ANXA4: variants seen among roughly 807,000 people sequenced by gnomAD.
ANXA4 encodes the protein annexin A4.
Under a neutral mutation model 49.8 loss-of-function variants are expected in ANXA4, and 39 were observed. The observed-to-expected ratio is 0.78, with a 90% CI of 0.61 to 1.02. ANXA4 has a LOEUF of 1.02. ANXA4 is among the 50% of genes least tolerant of loss of function. The pLI, the probability that ANXA4 is intolerant of heterozygous loss-of-function variation, is 0.00. For synonymous variants in ANXA4, 134 were observed against 152.5 expected (o/e 0.88, Z 0.89); for missense variants, 360 against 410.1 (o/e 0.88, Z 1.05).
chr2:69,802,709 CAA>C (rs777864730), intron 3 of ANXA4, among the ~76,000 whole-genome samples: 37,198 of 121,878 alleles, frequency 0.31, 5,057 homozygotes, highest in Admixed American at 0.49. Context: ...GACTCTGTCT[CAA>C]AAAAAAAAAA....
chr2:69,668,730 C>T (rs372313963), intron 2 of ANXA4, among the ~76,000 whole-genome samples: 3 of 152,106 alleles, frequency 2.0e-5, no homozygotes, highest in African/African-American at 4.8e-5. Context: ...AGCCATATTA[C>T]GCTGTGTATA....
rs1392847118 is a variant in ANXA4 at position 69,721,972 on chromosome 2, C to G, written n.864+1101C>G. 2.0e-5 allele frequency among the ~76,000 whole-genome samples: 3 copies of G among 152,110 alleles called. No individual in the cohort carries two copies. In the South Asian group the frequency reaches 6.2e-4, roughly 31 times the overall value. ...ATCCTAAGTGACTTTGACACTGATT[C>G]TTTTACCTTGGCTATCCTCTTCTAT... On this transcript the variant is annotated intron_variant and non_coding_transcript_variant, in intron 3 of 3. Transcript: ENST00000418066.
rs760060003 is a variant in ANXA4 at position 69,816,121 on chromosome 2, G to C, written c.555G>C (p.Glu185Asp). 1 of 1,614,132 alleles carries C rather than the reference G, an allele frequency of 6.2e-7. No homozygotes were observed. Among genetic ancestry groups the C allele is most frequent in the Non-Finnish European group, 8.5e-7 (1 of 1,179,972 alleles). ...QDAQDLYEAG[E>D]KKWGTDEVKF... ...TTCAGGACCTGTATGAGGCTGGAGA[G>C]AAGAAATGGGGGACAGATGAGGTGA... is the stretch of plus-strand genomic sequence containing the variant. Residue 185 changes from glutamate to aspartate, a missense_variant, in exon 9 of 13, where the codon GAG becomes GAC. Glu to Asp is a conservative substitution (Grantham distance 45). Transcript: ENST00000394295.
At chr2:69,650,914 T>A (rs1007091679) in intron 1 of ANXA4, among the ~76,000 whole-genome samples, 2 of 152,238 alleles carry the variant, frequency 1.3e-5, no homozygotes, top group South Asian at 4.1e-4. Context: ...ACAATTTTTC[T>A]TGTTCATTTA....
chr2:69,662,986 C>CCTTTTTTT (rs1676778994), intron 2 of ANXA4, among the ~76,000 whole-genome samples: 1 of 132,692 alleles, frequency 7.5e-6, no homozygotes, highest in African/African-American at 2.7e-5. Context: ...CCTGGTTTTT[C>CCTTTTTTT]TTTTTCTTTT....
Position 69,757,276 on chromosome 2 carries a change from T to A in ANXA4, c.-47+15101T>A, listed in dbSNP as rs1246897837. ...TATATATATATATATATTTTTTTTT[T>A]TTTTTTTTTTTTTAGGTGGAGTCTC... On this transcript the variant is annotated intron_variant, in intron 1 of 12. Transcript: ENST00000394295. 3.7e-3 allele frequency among the ~76,000 whole-genome samples: 400 copies of A among 107,602 alleles called. 3 individuals are homozygous for A. The highest frequency in any genetic ancestry group is 0.021 in the African/African-American group (333 of 16,008). 70.6% of individuals were successfully genotyped at this position (107,602 alleles called of 152,430 possible). A position where few individuals can be genotyped will look rare whatever the true frequency, so the allele number is the denominator to read the frequency against.
Position 69,703,058 on chromosome 2 carries a change from C to T in ANXA4, n.767-17716C>T, listed in dbSNP as rs1281526347. Reference sequence around the variant, plus strand: ...CTTAAGTTCTGGAAAGACACAGAGTCACAGGGTAATCAGAGCCAAGAGAGT... The same window carrying T: ...CTTAAGTTCTGGAAAGACACAGAGTTACAGGGTAATCAGAGCCAAGAGAGT... On this transcript the variant is annotated intron_variant and non_coding_transcript_variant, in intron 2 of 3. Transcript: ENST00000418066. Among the ~76,000 whole-genome samples the T allele has an allele frequency of 3.9e-5, 6 of 152,124 alleles. No homozygotes were observed. The East Asian group carries it at 1.2e-3, about 29-fold the overall frequency.
intron 1 of ANXA4, 99 bp from the exon 2 acceptor site, chr2:69,781,421 C>A: frequency 1.0e-6 from 1 of 959,560 alleles, no homozygotes; most frequent in Non-Finnish European, 1.6e-6. Context: ...GGTGTCATTT[C>A]CTCATGGCTT....
intron 1 of ANXA4, among the ~76,000 whole-genome samples, chr2:69,765,834 C>G (rs971912963): frequency 2.6e-5 from 4 of 152,046 alleles, no homozygotes; most frequent in African/African-American, 9.7e-5. Context: ...GAGAGGGGGG[C>G]TGAGGAAGCA....
At chr2:69,737,753 C>T (rs1225386633), upstream of ANXA4, among the ~76,000 whole-genome samples, 2 of 152,136 alleles carry the variant, frequency 1.3e-5, no homozygotes, top group African/African-American at 2.4e-5. Context: ...CTCATGTCAT[C>T]GCACCCAGCT....
At chr2:69,777,230 T>C (rs1671992730) in intron 1 of ANXA4, among the ~76,000 whole-genome samples, 1 of 152,076 alleles carries the variant, frequency 6.6e-6, no homozygotes, top group Non-Finnish European at 1.5e-5. Flanking sequence ...GTCCTTTGGG[T>C]TTTTATGGAG....
chr2:69,762,616 A>C lies in ANXA4; in HGVS notation c.-46-18904A>C, dbSNP rs571274382. 5.3e-5 allele frequency among the ~76,000 whole-genome samples: 8 copies of C among 152,268 alleles called. No homozygotes were observed. In the East Asian group the frequency reaches 1.4e-3, roughly 26 times the overall value. ...AAGTATGTATTTATGTATATTAAAA[A>C]TATAACTCCTAGCATGGATTTCTGC... On this transcript the variant is annotated intron_variant, in intron 1 of 12. Transcript: ENST00000394295.
At chr2:69,701,693 A>G (rs969017718) in intron 2 of ANXA4, among the ~76,000 whole-genome samples, 2 of 152,116 alleles carry the variant, frequency 1.3e-5, no homozygotes, top group Non-Finnish European at 2.9e-5. Flanking sequence ...CACCCTCACC[A>G]ATCCTGCTTA....
chr2:69,793,267 T>C (rs574168835), intron 3 of ANXA4, among the ~76,000 whole-genome samples: 9 of 117,928 alleles, frequency 7.6e-5, no homozygotes, highest in Non-Finnish European at 1.4e-4. Context: ...AAAAAAGCAG[T>C]TTACAACCTT....
chr2:69,684,965 A>G (rs1397484349), intron 2 of ANXA4, among the ~76,000 whole-genome samples: 1 of 152,198 alleles, frequency 6.6e-6, no homozygotes, highest in African/African-American at 2.4e-5. Flanking sequence ...CCAGTTTTGA[A>G]GAATGATGTC....
At chr2:69,745,282 T>C (rs1670565544) in intron 1 of ANXA4, among the ~76,000 whole-genome samples, 1 of 152,170 alleles carries the variant, frequency 6.6e-6, no homozygotes, top group Admixed American at 6.5e-5. Context: ...ACCCATAGGC[T>C]GGGTGGCCTT....
chr2:69,786,681 G>T (rs1049569910), intron 2 of ANXA4, among the ~76,000 whole-genome samples: 5 of 152,024 alleles, frequency 3.3e-5, no homozygotes, highest in Non-Finnish European at 7.4e-5. Context: ...GAACCCCTTT[G>T]TGTACCTATC....
intron 2 of ANXA4, among the ~76,000 whole-genome samples, chr2:69,682,991 A>T (rs1677651670): frequency 6.6e-6 from 1 of 152,222 alleles, no homozygotes; most frequent in South Asian, 2.1e-4. Context: ...TTATTGTTTA[A>T]AACAGGAACA....
chr2:69,695,138 T>C (rs1678119299), intron 2 of ANXA4, among the ~76,000 whole-genome samples: 1 of 151,480 alleles, frequency 6.6e-6, no homozygotes, highest in Non-Finnish European at 1.5e-5. Flanking sequence ...AGCAAGACTC[T>C]GTCTCAAAAA....
Sources: gnomAD v4.1 joint callset for allele counts (sites outside exome capture counted in the v4.1 genomes callset) on GRCh38, gnomAD v4.1.1 for gene constraint, MANE v1.5 for transcripts, NCBI Gene and HGNC (gene_info 2026-07-23, HGNC 2026-07-21) for gene names.